Variants in IL1RAPL2 observed in about 807,000 individuals in gnomAD.
The protein encoded by IL1RAPL2 is X-linked interleukin-1 receptor accessory protein-like 2.
In IL1RAPL2, 3 loss-of-function variants were observed where a neutral mutation model predicts 44.1. The observed-to-expected ratio is 0.07, with a 90% CI of 0.03 to 0.18. IL1RAPL2 has a LOEUF of 0.18. Among genes scored for constraint, IL1RAPL2 ranks in the 10% least tolerant of loss-of-function variants. The pLI is 1.00. For synonymous variants in IL1RAPL2, 181 were observed against 178.8 expected, an observed-to-expected ratio of 1.01 and a Z score of -0.10; for missense variants, 391 against 496.4, an observed-to-expected ratio of 0.79 and a Z score of 2.02.
intron 6 of IL1RAPL2, among the ~76,000 whole-genome samples, chrX:105,530,659 T>C (rs2036627444): frequency 9.0e-6 from 1 of 110,975 alleles, no homozygotes; most frequent in African/African-American, 3.3e-5. Context: ...CTTGTTATGC[T>C]ATCATATAGT....
chrX:105,116,298 C>T lies in IL1RAPL2; in HGVS notation c.83-79177C>T, dbSNP rs756248927. ...GTTTTAGGTAATTTACCCAACCTTT[C>T]TGAACTTCCCTTGTTTGATCTTTAA... is the stretch of plus-strand genomic sequence containing the variant. On this transcript the variant is annotated intron_variant, in intron 2 of 10. Coordinates refer to ENST00000372582, the MANE Select transcript of IL1RAPL2 (RefSeq NM_017416.2). 6.2e-5 allele frequency among the ~76,000 whole-genome samples: 7 copies of T among 112,746 alleles called. No individual in the cohort carries two copies. In the South Asian group the frequency reaches 2.6e-3, roughly 41 times the overall value.
intron 6 of IL1RAPL2, among the ~76,000 whole-genome samples, chrX:105,666,989 A>C (rs1326844652): frequency 1.8e-5 from 2 of 111,947 alleles, no homozygotes; most frequent in African/African-American, 6.5e-5. Flanking sequence ...TCCTGCATGC[A>C]ACTTTGTATT....
At chrX:105,640,785 TATAGATATAG>T (rs1209339359) in intron 6 of IL1RAPL2, among the ~76,000 whole-genome samples, 4 of 93,275 alleles carry the variant, frequency 4.3e-5, no homozygotes, top group African/African-American at 1.2e-4. Flanking sequence ...TAGATATAGA[TATAGATATAG>T]ATAGAGAGAG....
chrX:105,217,406 C>T (rs1412805482), intron 3 of IL1RAPL2, among the ~76,000 whole-genome samples: 3 of 111,786 alleles, frequency 2.7e-5, no homozygotes, highest in Admixed American at 9.5e-5. Flanking sequence ...TGAGATACCA[C>T]CTCACACCAG....
At chrX:104,571,929 T>C (rs1367649805) in intron 1 of IL1RAPL2, among the ~76,000 whole-genome samples, 1 of 112,114 alleles carries the variant, frequency 8.9e-6, no homozygotes, top group Non-Finnish European at 1.9e-5. Context: ...TTAAAAATTA[T>C]TAGAACTGTG....
Position 105,569,999 on chromosome X carries a change from G to A in IL1RAPL2, c.772+85612G>A, listed in dbSNP as rs189646333. Among the ~76,000 whole-genome samples, 3 of 111,123 alleles carry A rather than the reference G, an allele frequency of 2.7e-5. No homozygotes were observed. In the East Asian group the frequency reaches 8.5e-4, roughly 31 times the overall value. Reference sequence around the variant, plus strand: ...AAATTTTATTTCAGTAGTTTTTGGAGTACAGGTAGTTTTTGGTTACATGGA... The same window carrying A: ...AAATTTTATTTCAGTAGTTTTTGGAATACAGGTAGTTTTTGGTTACATGGA... On this transcript the variant is annotated intron_variant, in intron 6 of 10. Transcript: ENST00000372582.
intron 2 of IL1RAPL2, among the ~76,000 whole-genome samples, chrX:104,820,035 G>T (rs1921258991): frequency 9.0e-6 from 1 of 110,931 alleles, no homozygotes; most frequent in Non-Finnish European, 1.9e-5. Flanking sequence ...TTAAATATAT[G>T]ATCAGTTTTC....
intron 6 of IL1RAPL2, among the ~76,000 whole-genome samples, chrX:105,662,698 G>A (rs752278501): frequency 3.6e-5 from 4 of 111,341 alleles, no homozygotes; most frequent in South Asian, 3.8e-4. Context: ...GGTCGTTTGC[G>A]CAGAGGGAAA....
chrX:104,785,556 C>T (rs1932794099), intron 2 of IL1RAPL2, among the ~76,000 whole-genome samples: 1 of 111,335 alleles, frequency 9.0e-6, no homozygotes, highest in Admixed American at 9.5e-5. Flanking sequence ...TCAGAGTCTT[C>T]CTTCTGCCCT....
intron 2 of IL1RAPL2, among the ~76,000 whole-genome samples, chrX:104,708,181 C>T (rs1477697078): frequency 8.9e-6 from 1 of 111,760 alleles, no homozygotes; most frequent in Non-Finnish European, 1.9e-5. Flanking sequence ...CCATGAACTC[C>T]CAATCTCATC....
At chrX:104,897,240 T>A (rs755050514) in intron 2 of IL1RAPL2, among the ~76,000 whole-genome samples, 1 of 112,022 alleles carries the variant, frequency 8.9e-6, no homozygotes, top group African/African-American at 3.2e-5. Flanking sequence ...GATGTCAAGA[T>A]AGATTCTTCA....
At chrX:105,391,114 G>T (rs111528655) in intron 5 of IL1RAPL2, among the ~76,000 whole-genome samples, 5 of 111,710 alleles carry the variant, frequency 4.5e-5, no homozygotes, top group African/African-American at 1.6e-4. Context: ...ACTAGCTTAT[G>T]ATATTTTGTT....
intron 2 of IL1RAPL2, among the ~76,000 whole-genome samples, chrX:104,726,167 G>C (rs879222768): frequency 9.0e-6 from 1 of 111,097 alleles, no homozygotes; most frequent in South Asian, 3.8e-4. Flanking sequence ...TCTTGTTTTT[G>C]TCAGGTTTGT....
chrX:105,567,634 T>G (rs1489899930), intron 6 of IL1RAPL2, among the ~76,000 whole-genome samples: 2 of 111,837 alleles, frequency 1.8e-5, no homozygotes, highest in African/African-American at 6.5e-5. Flanking sequence ...TTTAAATTCT[T>G]AATTCCATTG....
chrX:105,612,365 C>T (rs1339241815), intron 6 of IL1RAPL2, among the ~76,000 whole-genome samples: 2 of 111,488 alleles, frequency 1.8e-5, no homozygotes, highest in Non-Finnish European at 3.8e-5. Flanking sequence ...TTTGGCCTCC[C>T]AAAGTGCTGG....
intron 2 of IL1RAPL2, among the ~76,000 whole-genome samples, chrX:105,137,651 A>T (rs1179803291): frequency 1.8e-5 from 2 of 112,283 alleles, no homozygotes; most frequent in African/African-American, 6.5e-5. Context: ...TTCATTTTTT[A>T]AAAATTTGTG....
chrX:104,785,367 T>C (rs757319988), intron 2 of IL1RAPL2, among the ~76,000 whole-genome samples: 1 of 111,695 alleles, frequency 9.0e-6, no homozygotes, highest in South Asian at 3.8e-4. Flanking sequence ...AATAATCAGA[T>C]AATAGCCATC....
intron 1 of IL1RAPL2, among the ~76,000 whole-genome samples, chrX:104,591,491 C>T (rs903126875): frequency 1.8e-5 from 2 of 111,786 alleles, no homozygotes; most frequent in Non-Finnish European, 3.8e-5. Context: ...ATAAAATACT[C>T]ACCAAGCAAC....
At chrX:105,336,411 T>C (rs1389493174) in intron 5 of IL1RAPL2, among the ~76,000 whole-genome samples, 1 of 112,568 alleles carries the variant, frequency 8.9e-6, no homozygotes, top group African/African-American at 3.2e-5. Flanking sequence ...AACTTTATTG[T>C]ATGCCTACTA....
Sources: allele counts gnomAD v4.1 joint callset (sites outside exome capture counted in the v4.1 genomes callset), GRCh38; gene constraint gnomAD v4.1.1; transcripts MANE v1.5; gene names NCBI Gene and HGNC (gene_info 2026-07-23, HGNC 2026-07-21).